EDA: variants seen among roughly 807,000 people sequenced by gnomAD.
EDA encodes the protein ectodysplasin A.
In EDA, 2 loss-of-function variants were observed where a neutral mutation model predicts 23.6. That is an observed-to-expected ratio of 0.08 (90% CI 0.03 to 0.27). The LOEUF is 0.27. Ranked by LOEUF, EDA falls within the 10% of genes least tolerant of loss-of-function variation. The pLI is 1.00. For synonymous variants in EDA, 131 were observed against 132.0 expected, an observed-to-expected ratio of 0.99 and a Z score of 0.05; for missense variants, 229 against 324.2, an observed-to-expected ratio of 0.71 and a Z score of 2.26.
intron 1 of EDA, among the ~76,000 whole-genome samples, chrX:69,769,426 T>C (rs2014562348): frequency 1.8e-5 from 2 of 111,760 alleles, no homozygotes; most frequent in African/African-American, 3.2e-5. Context: ...TGTTTCCTGT[T>C]AAGCAGTATG....
At chrX:69,742,399 T>C (rs1163562584) in intron 1 of EDA, among the ~76,000 whole-genome samples, 1 of 111,526 alleles carries the variant, frequency 9.0e-6, no homozygotes, top group Non-Finnish European at 1.9e-5. Flanking sequence ...TCTGGGGAAA[T>C]AGAGATGGGG....
At chrX:69,759,988 T>G (rs1390350797) in intron 1 of EDA, among the ~76,000 whole-genome samples, 4 of 108,980 alleles carry the variant, frequency 3.7e-5, no homozygotes, top group Non-Finnish European at 5.7e-5. Flanking sequence ...CTTAAGACTG[T>G]ATTACAGCAA....
At chrX:69,679,681 T>C (rs1453218395) in intron 1 of EDA, among the ~76,000 whole-genome samples, 1 of 111,873 alleles carries the variant, frequency 8.9e-6, no homozygotes, top group East Asian at 2.8e-4. Context: ...CTTTATCATT[T>C]TTTATTGCGT....
chrX:69,842,665 T>G (rs947546924), intron 1 of EDA, among the ~76,000 whole-genome samples: 1 of 112,097 alleles, frequency 8.9e-6, no homozygotes, highest in African/African-American at 3.2e-5. Context: ...AATCTCATGT[T>G]GAATTGTAAT....
intron 1 of EDA, among the ~76,000 whole-genome samples, chrX:69,758,262 T>G (rs2804388): frequency 0.34 from 38,133 of 111,012 alleles, 5,370 homozygotes; most frequent in Middle Eastern, 0.57. Context: ...AGATAATTGA[T>G]CATAAGCCAA....
chrX:69,619,922 T>C (rs898513385), intron 1 of EDA, among the ~76,000 whole-genome samples: 6 of 111,738 alleles, frequency 5.4e-5, no homozygotes, highest in Non-Finnish European at 7.5e-5. Context: ...CAAAAGCAGA[T>C]TGGCTTCTAC....
intron 1 of EDA, among the ~76,000 whole-genome samples, chrX:69,647,465 C>T (rs1361970639): frequency 9.0e-6 from 1 of 111,202 alleles, no homozygotes; most frequent in African/African-American, 3.3e-5. Context: ...TTTTTTCCTC[C>T]TCTTGGTATA....
rs191452435 is a variant in EDA at position 69,841,280 on chromosome X, A to G, written c.397-115747A>G. ...CAGCAAGAGGAATTTCAAAATTCCT[A>G]TTACAGTGCCAAGATTAGTGCTCCA... On this transcript the variant is annotated intron_variant, in intron 1 of 7. Coordinates refer to ENST00000374552, the MANE Select transcript of EDA (RefSeq NM_001399.5). Among the ~76,000 whole-genome samples the G allele has an allele frequency of 9.8e-5, 11 of 112,142 alleles. No individual in the cohort carries two copies. The East Asian group carries it at 3.1e-3, about 32-fold the overall frequency.
At chrX:70,034,615 G>C (rs2020240151) in intron 7 of EDA, among the ~76,000 whole-genome samples, 1 of 111,824 alleles carries the variant, frequency 8.9e-6, no homozygotes, top group Non-Finnish European at 1.9e-5. Flanking sequence ...GCCTAGGAGA[G>C]AATTGAGAGT....
intron 1 of EDA, among the ~76,000 whole-genome samples, chrX:69,711,964 T>C (rs2012068760): frequency 9.0e-6 from 1 of 111,461 alleles, no homozygotes; most frequent in African/African-American, 3.3e-5. Flanking sequence ...TCATTGATTT[T>C]TTTGAAGGGT....
At chrX:69,803,644 A>G (rs1056155024) in intron 1 of EDA, among the ~76,000 whole-genome samples, 1 of 111,146 alleles carries the variant, frequency 9.0e-6, no homozygotes, top group African/African-American at 3.3e-5. Context: ...CATCTCAAAC[A>G]TTTATTATTT....
chrX:69,801,769 A>G (rs1317077005), intron 1 of EDA, among the ~76,000 whole-genome samples: 1 of 111,864 alleles, frequency 8.9e-6, no homozygotes, highest in South Asian at 3.7e-4. Flanking sequence ...TCTTACTAGT[A>G]ATCTGGAAAA....
chrX:69,785,608 C>T (rs1204752742), intron 1 of EDA, among the ~76,000 whole-genome samples: 11 of 110,179 alleles, frequency 1.0e-4, no homozygotes, highest in East Asian at 8.5e-4. Flanking sequence ...TTGATTTGCG[C>T]ATATTGAACC....
chrX:69,793,941 A>G (rs911264335), intron 1 of EDA, among the ~76,000 whole-genome samples: 5 of 111,437 alleles, frequency 4.5e-5, no homozygotes, highest in Non-Finnish European at 7.5e-5. Context: ...ACGTCTTTAC[A>G]TGTGTCTTGG....
At chrX:69,729,200 G>A (rs983706136) in intron 1 of EDA, 4 of 110,948 alleles carry the variant, frequency 3.6e-5, no homozygotes, top group Admixed American at 1.9e-4. Flanking sequence ...AACTTCAAAA[G>A]TTCCTACTCC....
intron 1 of EDA, among the ~76,000 whole-genome samples, chrX:69,800,203 C>G (rs1209363879): frequency 9.0e-6 from 1 of 111,386 alleles, no homozygotes; most frequent in Non-Finnish European, 1.9e-5. Context: ...ATACCAGAGA[C>G]TGGGAAGGGT....
At chrX:69,640,165 CCT>C (rs1301198905) in intron 1 of EDA, among the ~76,000 whole-genome samples, 2 of 111,418 alleles carry the variant, frequency 1.8e-5, no homozygotes, top group Non-Finnish European at 3.8e-5. Context: ...GGTTACTTAA[CCT>C]CTCTCATGAT....
intron 1 of EDA, among the ~76,000 whole-genome samples, chrX:69,836,097 C>G (rs2016766993): frequency 8.9e-6 from 1 of 112,087 alleles, no homozygotes; most frequent in Non-Finnish European, 1.9e-5. Context: ...CTGATCATTC[C>G]TCTGGAAGCT....
At chrX:69,797,656 G>T (rs1366070566) in intron 1 of EDA, among the ~76,000 whole-genome samples, 1 of 111,151 alleles carries the variant, frequency 9.0e-6, no homozygotes, top group African/African-American at 3.3e-5. Context: ...AAACCTCACT[G>T]GTAAAGCAAA....
Sources: gnomAD v4.1 joint callset for allele counts (sites outside exome capture counted in the v4.1 genomes callset) on GRCh38, gnomAD v4.1.1 for gene constraint, MANE v1.5 for transcripts, NCBI Gene and HGNC (gene_info 2026-07-23, HGNC 2026-07-21) for gene names.